ARHGAP44: variants seen among roughly 807,000 people sequenced by gnomAD.
ARHGAP44 encodes Rho GTPase activating protein 44, also known as rho GTPase-activating protein 44.
Under a neutral mutation model 106.8 loss-of-function variants are expected in ARHGAP44, and 43 were observed. That is an observed-to-expected ratio of 0.40 (90% CI 0.32 to 0.52). ARHGAP44 has a LOEUF of 0.52. Ranked by LOEUF, ARHGAP44 falls within the 20% of genes least tolerant of loss-of-function variation. The pLI is 0.48. For synonymous variants in ARHGAP44, 439 were observed against 410.3 expected, an observed-to-expected ratio of 1.07 and a Z score of -0.85; for missense variants, 866 against 1,050.5, an observed-to-expected ratio of 0.82 and a Z score of 2.43.
intron 1 of ARHGAP44, among the ~76,000 whole-genome samples, chr17:12,845,559 C>T (rs1217645724): frequency 1.3e-5 from 2 of 151,072 alleles, no homozygotes; most frequent in African/African-American, 4.9e-5. Context: ...AGAACCTAAA[C>T]CCATAAAGAC....
intron 1 of ARHGAP44, among the ~76,000 whole-genome samples, chr17:12,871,921 T>A (rs1274911308): frequency 6.6e-6 from 1 of 152,156 alleles, no homozygotes; most frequent in Non-Finnish European, 1.5e-5. Context: ...CTCTATAACC[T>A]GCAGAACTGC....
intron 16 of ARHGAP44, among the ~76,000 whole-genome samples, chr17:12,962,545 T>C (rs780757059): frequency 2.0e-5 from 3 of 152,186 alleles, no homozygotes; most frequent in Non-Finnish European, 4.4e-5. Context: ...GGGCTCTACA[T>C]GACATCATGT....
At chr17:12,915,200 A>C (rs1038913115) in intron 4 of ARHGAP44, among the ~76,000 whole-genome samples, 9 of 152,200 alleles carry the variant, frequency 5.9e-5, no homozygotes, top group African/African-American at 2.2e-4. Context: ...CACCATGCCC[A>C]GCTGAGTTTG....
intron 1 of ARHGAP44, among the ~76,000 whole-genome samples, chr17:12,861,648 T>TTTTTTTTTTTTTTTTTTTTC: frequency 7.0e-5 from 1 of 14,202 alleles, no homozygotes; most frequent in Non-Finnish European, 1.9e-4. Context: ...CTTCCACTTT[T>TTTTTTTTTTTTTTTTTTTTC]TTTTTTTTTT....
chr17:12,912,920 A>T lies in ARHGAP44; in HGVS notation c.276-2980A>T, dbSNP rs143503742. On this transcript the variant is annotated intron_variant, in intron 4 of 20. Transcript: ENST00000379672. ...CAGCAAGCTAAAGCAAGACAGCAAG[A>T]TGTGTCCTTGGTGAGGAAGTGACCA... Among the ~76,000 whole-genome samples the T allele has an allele frequency of 5.7e-3, 870 of 152,306 alleles. 10 individuals carry two copies. The highest frequency in any genetic ancestry group is 0.019 in the African/African-American group (806 of 41,560).
chr17:12,928,024 T>C (rs73290458), intron 6 of ARHGAP44, among the ~76,000 whole-genome samples: 1,531 of 152,260 alleles, frequency 0.01, 25 homozygotes, highest in African/African-American at 0.035. Context: ...GCTACTACTA[T>C]AGCATAATTG....
intron 1 of ARHGAP44, among the ~76,000 whole-genome samples, chr17:12,836,958 C>T (rs2035256361): frequency 6.6e-6 from 1 of 152,178 alleles, no homozygotes; most frequent in African/African-American, 2.4e-5. Flanking sequence ...CTTCACTCAA[C>T]AATAAGGTAT....
intron 16 of ARHGAP44, among the ~76,000 whole-genome samples, chr17:12,970,365 CAAAAAAAAAAAAA>C (rs66577680): frequency 1.8e-5 from 1 of 55,194 alleles, no homozygotes; most frequent in Non-Finnish European, 4.2e-5. Context: ...GACCCTGTCT[CAAAAAAAAAAAAA>C]AAAAAAAAAA....
chr17:12,794,006 G>A (rs1414090093), intron 1 of ARHGAP44, among the ~76,000 whole-genome samples: 1 of 152,222 alleles, frequency 6.6e-6, no homozygotes, highest in Non-Finnish European at 1.5e-5. Context: ...ATGGTGGTCA[G>A]AGGAGAGAGG....
intron 19 of ARHGAP44, chr17:12,982,596 A>G (rs1391162929): frequency 6.6e-6 from 1 of 152,236 alleles, no homozygotes; most frequent in East Asian, 1.9e-4. Context: ...CTCAGGAAGT[A>G]GAGTTGAAAA....
chr17:12,848,876 G>A (rs1393900943), intron 1 of ARHGAP44, among the ~76,000 whole-genome samples: 1 of 151,920 alleles, frequency 6.6e-6, no homozygotes, highest in South Asian at 2.1e-4. Context: ...GAGAAACCCC[G>A]TCTCTACTAA....
chr17:12,804,079 T>C (rs986278991), intron 1 of ARHGAP44, among the ~76,000 whole-genome samples: 2 of 152,204 alleles, frequency 1.3e-5, no homozygotes, highest in Non-Finnish European at 2.9e-5. Flanking sequence ...ACTTGCTGTC[T>C]TTCTCTCCAT....
intron 3 of ARHGAP44, among the ~76,000 whole-genome samples, chr17:12,905,269 A>G (rs1003851550): frequency 1.3e-5 from 2 of 152,172 alleles, no homozygotes; most frequent in African/African-American, 4.8e-5. Flanking sequence ...CCTTGTTAAA[A>G]TTAAAAAGCA....
intron 1 of ARHGAP44, among the ~76,000 whole-genome samples, chr17:12,795,526 ATT>A (rs5819387): frequency 7.0e-6 from 1 of 142,912 alleles, no homozygotes; most frequent in African/African-American, 2.6e-5. Flanking sequence ...TTTATCAATG[ATT>A]TTTTTTTTTT....
rs1021898400 is a variant in ARHGAP44, at chr17:12,930,240, T to TC, written c.582+1194_582+1195insC. ...TTTTTTATTCTTTTCTCTCTCTCTC[T>TC]TTTTTTTTTTGAGGCAGAGTTTCGT... On this transcript the variant is annotated intron_variant, in intron 7 of 20. Transcript: ENST00000379672. Among the ~76,000 whole-genome samples the TC allele has an allele frequency of 1.7e-3, 240 of 142,924 alleles. 2 individuals are homozygous for TC. Among genetic ancestry groups the TC allele is most frequent in the Non-Finnish European group, 5.0e-4 (32 of 64,492 alleles). 93.8% of individuals were successfully genotyped at this position (142,924 alleles called of 152,430 possible). A position where few individuals can be genotyped will look rare whatever the true frequency, so the allele number is the denominator to read the frequency against.
intron 1 of ARHGAP44, among the ~76,000 whole-genome samples, chr17:12,824,378 G>A (rs185606877): frequency 3.3e-5 from 5 of 152,194 alleles, no homozygotes; most frequent in Admixed American, 3.3e-4. Context: ...GTGGAAGCAG[G>A]GAAACCTCTT....
Position 12,971,825 on chromosome 17 carries a change from C to T in ARHGAP44, c.1524-1477C>T, listed in dbSNP as rs116933055. 7.3e-4 allele frequency among the ~76,000 whole-genome samples: 111 copies of T among 152,240 alleles called. 1 individual carries two copies. In the East Asian group the frequency reaches 0.013, roughly 18 times the overall value. ...AGCGGAGATGAGAAATACCAGCAAT[C>T]GTACTAGACATGAGAAGGCCTCTGG... is the stretch of plus-strand genomic sequence containing the variant. On this transcript the variant is annotated intron_variant, in intron 16 of 20. Coordinates refer to ENST00000379672, the MANE Select transcript of ARHGAP44 (RefSeq NM_014859.6).
At chr17:12,868,945 G>A (rs560904275) in intron 1 of ARHGAP44, among the ~76,000 whole-genome samples, 7 of 151,654 alleles carry the variant, frequency 4.6e-5, no homozygotes, top group South Asian at 2.1e-4. Context: ...GTGAGCCACC[G>A]CGCCCAACAT....
intron 4 of ARHGAP44, among the ~76,000 whole-genome samples, chr17:12,913,967 T>TTAAAA (rs2037821958): frequency 7.8e-5 from 1 of 12,746 alleles, no homozygotes; most frequent in East Asian, 8.5e-3. Flanking sequence ...AGATTTTGTC[T>TTAAAA]CAAAAAAAAA....
Sources: gnomAD v4.1 joint callset for allele counts (sites outside exome capture counted in the v4.1 genomes callset) on GRCh38, gnomAD v4.1.1 for gene constraint, MANE v1.5 for transcripts, NCBI Gene and HGNC (gene_info 2026-07-23, HGNC 2026-07-21) for gene names.